GABRB1: variants seen among roughly 807,000 people sequenced by gnomAD.
GABRB1 encodes gamma-aminobutyric acid type A receptor subunit beta1.
In GABRB1, 17 loss-of-function variants were observed where a neutral mutation model predicts 51.6. The observed-to-expected ratio is 0.33, with a 90% confidence interval of 0.23 to 0.49. The LOEUF (loss-of-function observed/expected upper bound fraction) is 0.49, where lower values mean the gene tolerates loss of function less well. Ranked by LOEUF, GABRB1 falls within the 20% of genes least tolerant of loss-of-function variation. The probability of loss-of-function intolerance (pLI) is 0.99; values close to 1 mark genes in which losing one functional copy is unlikely to be tolerated. For missense variants in GABRB1, 410 were observed against 600.6 expected (o/e 0.68, Z 3.32); for synonymous variants, 247 against 218.9 (o/e 1.13, Z -1.14).
intron 5 of GABRB1, among the ~76,000 whole-genome samples, chr4:47,335,728 T>C (rs1406347576): frequency 6.6e-6 from 1 of 152,100 alleles, no homozygotes; most frequent in Admixed American, 6.5e-5. Context: ...CATTTGAAGA[T>C]GAATAATAAT....
chr4:47,011,793 G>A (rs1724587376), intron 1 of GABRB1, among the ~76,000 whole-genome samples: 1 of 152,028 alleles, frequency 6.6e-6, no homozygotes, highest in Admixed American at 6.6e-5. Context: ...TATGTTTGAT[G>A]AATGAGTATA....
At chr4:47,273,546 A>C (rs1578053768) in intron 4 of GABRB1, among the ~76,000 whole-genome samples, 1 of 152,228 alleles carries the variant, frequency 6.6e-6, no homozygotes, top group East Asian at 1.9e-4. Context: ...GGTGGCTAAA[A>C]GTTTGGCTCT....
chr4:47,151,843 C>A (rs540649633), intron 3 of GABRB1, among the ~76,000 whole-genome samples: 1 of 151,984 alleles, frequency 6.6e-6, no homozygotes, highest in Admixed American at 6.6e-5. Context: ...TGTAAACAAG[C>A]CCCAAAATTT....
rs1325691742 is a variant in GABRB1, at chr4:47,425,752, G to A, written c.1159G>A (p.Val387Met). 1.5e-5 allele frequency: 24 copies of A among 1,614,058 alleles called. No individual in the cohort carries two copies. Among genetic ancestry groups the A allele is most frequent in the Non-Finnish European group, 2.0e-5 (24 of 1,180,030 alleles). ...GAGTGGCTCGGAAGTGCTCACGAGC[G>A]TGAGCGACCCCAAGGCCACCATGTA... ...ETSGSEVLTS[V>M]SDPKATMYSY... Residue 387 changes from valine to methionine, a missense_variant, in exon 9 of 9, where the codon GTG becomes ATG. Around this residue, in one of 5 missense-constraint regions of GABRB1, gnomAD observed 181 missense variants for 195.6 expected, o/e 0.93. Transcript: ENST00000295454.
At chr4:47,402,125 G>C (rs896536167) in intron 5 of GABRB1, among the ~76,000 whole-genome samples, 3 of 152,186 alleles carry the variant, frequency 2.0e-5, no homozygotes, top group African/African-American at 7.2e-5. Context: ...CTTTTTAAAA[G>C]CGGGGAAGGG....
intron 4 of GABRB1, among the ~76,000 whole-genome samples, chr4:47,248,999 C>T (rs1169969261): frequency 1.3e-5 from 2 of 151,854 alleles, no homozygotes; most frequent in Non-Finnish European, 2.9e-5. Context: ...TTGTTTGTTT[C>T]AATTTCATTT....
At chr4:47,374,884 C>T (rs926538626) in intron 5 of GABRB1, among the ~76,000 whole-genome samples, 3 of 152,102 alleles carry the variant, frequency 2.0e-5, no homozygotes, top group Non-Finnish European at 2.9e-5. Flanking sequence ...TCATAAAGGG[C>T]CTTGCAGTCC....
At chr4:47,067,367 C>T (rs747781018) in intron 3 of GABRB1, among the ~76,000 whole-genome samples, 1 of 152,198 alleles carries the variant, frequency 6.6e-6, no homozygotes, top group Admixed American at 6.5e-5. Context: ...TCCTTTGAAG[C>T]TGTGAAGGGA....
chr4:47,213,941 A>G (rs923444802), intron 4 of GABRB1, among the ~76,000 whole-genome samples: 8 of 151,416 alleles, frequency 5.3e-5, no homozygotes, highest in Non-Finnish European at 1.2e-4. Context: ...GATTCTTTTC[A>G]TTAAGTAAGA....
At chr4:47,073,850 C>T (rs1256366011) in intron 3 of GABRB1, among the ~76,000 whole-genome samples, 1 of 152,008 alleles carries the variant, frequency 6.6e-6, no homozygotes, top group Non-Finnish European at 1.5e-5. Flanking sequence ...CATAAGCAGG[C>T]TATTTATCTG....
chr4:47,266,435 G>A (rs1447829676), intron 4 of GABRB1, among the ~76,000 whole-genome samples: 1 of 151,936 alleles, frequency 6.6e-6, no homozygotes, highest in African/African-American at 2.4e-5. Flanking sequence ...ATACATTTTA[G>A]GATTGTTTTT....
At chr4:47,054,949 G>T (rs984268235) in intron 3 of GABRB1, among the ~76,000 whole-genome samples, 1 of 152,044 alleles carries the variant, frequency 6.6e-6, no homozygotes. Context: ...GTAATATAAA[G>T]GTGACTTAGT....
At position 47,406,879 on chromosome 4, in the gene GABRB1, G is replaced by C. The variant is rs150598937; in HGVS notation, c.1033G>C (p.Asp345His). The change falls in exon 8 of 9, where the codon GAC becomes CAC. Residue 345 changes from aspartate to histidine, a missense_variant. Coordinates refer to ENST00000295454, the MANE Select transcript of GABRB1 (RefSeq NM_000812.4). ...TCAGAAAAAGGGAGCTAGCAAACAA[G>C]ACCAGAGTGCCAATGAGAAGAATAA... ...GPQKKGASKQ[D>H]QSANEKNKLE... 3.1e-6 allele frequency: 5 copies of C among 1,614,096 alleles called. No homozygotes were observed. The highest frequency in any genetic ancestry group is 4.2e-6 in the Non-Finnish European group (5 of 1,179,988).
chr4:47,006,935 G>A (rs1329418424), intron 1 of GABRB1, among the ~76,000 whole-genome samples: 1 of 152,050 alleles, frequency 6.6e-6, no homozygotes, highest in Admixed American at 6.6e-5. Flanking sequence ...CAGGTGGATC[G>A]CTAGAGCTCA....
intron 3 of GABRB1, among the ~76,000 whole-genome samples, chr4:47,095,752 A>C (rs1322943195): frequency 6.6e-6 from 1 of 152,242 alleles, no homozygotes. Context: ...GGAAGTGACT[A>C]TTATCTTTGA....
At chr4:47,178,154 A>C (rs1204962683) in intron 4 of GABRB1, among the ~76,000 whole-genome samples, 1 of 152,102 alleles carries the variant, frequency 6.6e-6, no homozygotes, top group Non-Finnish European at 1.5e-5. Flanking sequence ...ATAGTACCAA[A>C]GGGGCATACT....
chr4:47,066,558 A>G (rs918938572), intron 3 of GABRB1, among the ~76,000 whole-genome samples: 8 of 152,222 alleles, frequency 5.3e-5, no homozygotes, highest in African/African-American at 1.4e-4. Flanking sequence ...CACAATGGTC[A>G]CAGCGTTTTC....
rs191858395 is a variant in GABRB1, at chr4:47,418,785, G to A, written c.1081-6889G>A. Among the ~76,000 whole-genome samples the A allele has an allele frequency of 1.0e-3, 154 of 152,310 alleles. 2 individuals are homozygous for A. The highest frequency in any genetic ancestry group is 3.4e-3 in the African/African-American group (141 of 41,582). ...ACTCAGTGGAAGGAACAAGTTGGAT[G>A]GGAAGAGAGAGGATCAAGAGTTCTG... On this transcript the variant is annotated intron_variant, in intron 8 of 8. Transcript: ENST00000295454.
rs960276488 is a variant in GABRB1 at position 47,419,658 on chromosome 4, G to A, written c.1081-6016G>A. Among the ~76,000 whole-genome samples, 29 of 152,320 alleles carry A rather than the reference G, an allele frequency of 1.9e-4. No homozygotes were observed. The Middle Eastern group carries it at 0.014, about 71-fold the overall frequency. ...GCCATGATGTTCTATTGCTTATGGA[G>A]GGGCTGATGTCTTCATCAGTGTCTG... is the stretch of plus-strand genomic sequence containing the variant. On this transcript the variant is annotated intron_variant, in intron 8 of 8. Coordinates refer to ENST00000295454, the MANE Select transcript of GABRB1 (RefSeq NM_000812.4).
Sources: gnomAD v4.1 joint callset for allele counts (sites outside exome capture counted in the v4.1 genomes callset) on GRCh38, gnomAD v4.1.1 for gene constraint, gnomAD v4.1.1 regional missense constraint, MANE v1.5 for transcripts, NCBI Gene and HGNC (gene_info 2026-07-23, HGNC 2026-07-21) for gene names.